PRKN: variants seen among roughly 807,000 people sequenced by gnomAD.
PRKN encodes parkin RBR E3 ubiquitin protein ligase.
Under a neutral mutation model 59.5 loss-of-function variants are expected in PRKN, and 56 were observed. The observed-to-expected ratio is 0.94, with a 90% CI of 0.76 to 1.18. The LOEUF (loss-of-function observed/expected upper bound fraction) is 1.18. Ranked by LOEUF, PRKN falls within the 50% of genes most tolerant of loss-of-function variation. PRKN has a pLI of 0.00. For synonymous variants in PRKN, 250 were observed against 222.1 expected (o/e 1.13, Z -1.12); for missense variants, 657 against 596.4 (o/e 1.10, Z -1.06).
At chr6:162,030,870 T>A (rs1783608995) in intron 5 of PRKN, among the ~76,000 whole-genome samples, 2 of 152,140 alleles carry the variant, frequency 1.3e-5, no homozygotes, top group African/African-American at 4.8e-5. Context: ...AAGAGTGCAG[T>A]CTATGAATAC....
intron 9 of PRKN, among the ~76,000 whole-genome samples, chr6:161,441,285 G>A (rs1490669927): frequency 6.6e-6 from 1 of 152,200 alleles, no homozygotes; most frequent in Non-Finnish European, 1.5e-5. Context: ...TTTGGGATGT[G>A]GTTGGAAGCT....
At chr6:162,589,341 A>G (rs923281509) in intron 1 of PRKN, among the ~76,000 whole-genome samples, 4 of 152,128 alleles carry the variant, frequency 2.6e-5, no homozygotes, top group Non-Finnish European at 5.9e-5. Context: ...CAAAAATGTT[A>G]CAAGAAATTT....
intron 7 of PRKN, among the ~76,000 whole-genome samples, chr6:161,615,545 C>A (rs1782661652): frequency 6.6e-6 from 1 of 152,184 alleles, no homozygotes; most frequent in Non-Finnish European, 1.5e-5. Flanking sequence ...ACTAAACTAC[C>A]AATGCATCCA....
chr6:161,388,866 C>T lies in PRKN; in HGVS notation c.1084-1989G>A, dbSNP rs1428454358. Among the ~76,000 whole-genome samples the T allele has an allele frequency of 6.6e-6, 1 of 152,206 alleles. No individual in the cohort carries two copies. ...CAGCACCAACTTGCCAGCTATGTGA[C>T]TGGGTCATATTCCAAGTAGACTGTT... is the stretch of plus-strand genomic sequence containing the variant. On this transcript the variant is annotated intron_variant, in intron 9 of 11. Coordinates refer to ENST00000366898, the MANE Select transcript of PRKN (RefSeq NM_004562.3). The surrounding 1 kb of genome is among the most constrained non-coding windows in gnomAD (Gnocchi z 4.3).
At chr6:161,924,970 A>T (rs1778913077) in intron 6 of PRKN, among the ~76,000 whole-genome samples, 2 of 152,222 alleles carry the variant, frequency 1.3e-5, no homozygotes, top group South Asian at 4.1e-4. Flanking sequence ...ACATGCCCAG[A>T]ATTCACCTGG....
intron 7 of PRKN, among the ~76,000 whole-genome samples, chr6:161,759,006 G>A (rs910803601): frequency 5.3e-5 from 8 of 151,954 alleles, no homozygotes; most frequent in South Asian, 2.1e-4. Flanking sequence ...GTGAAACCCC[G>A]TCTCTACTAA....
chr6:162,346,297 T>C (rs1784400965), intron 2 of PRKN, among the ~76,000 whole-genome samples: 1 of 152,100 alleles, frequency 6.6e-6, no homozygotes, highest in South Asian at 2.1e-4. Context: ...TCCACAGTTT[T>C]TAAATAGATC....
chr6:161,707,068 G>A (rs1036330071), intron 7 of PRKN, among the ~76,000 whole-genome samples: 2 of 151,938 alleles, frequency 1.3e-5, no homozygotes, highest in East Asian at 3.9e-4. Flanking sequence ...TCTCATTGTC[G>A]GTTTTATACA....
intron 1 of PRKN, among the ~76,000 whole-genome samples, chr6:162,478,573 C>T (rs572574850): frequency 6.6e-6 from 1 of 152,292 alleles, no homozygotes; most frequent in South Asian, 2.1e-4. Flanking sequence ...CCTGAGTAAC[C>T]AACCGTGAAA....
chr6:162,158,681 T>A (rs1234890732), intron 4 of PRKN, among the ~76,000 whole-genome samples: 1 of 152,034 alleles, frequency 6.6e-6, no homozygotes, highest in Admixed American at 6.5e-5. Context: ...TCCGCCCGCC[T>A]TGGCCTTCCA....
chr6:162,687,763 T>A (rs550728372), intron 1 of PRKN, among the ~76,000 whole-genome samples: 3 of 152,302 alleles, frequency 2.0e-5, no homozygotes, highest in South Asian at 4.1e-4. Context: ...CTAGCAGGAA[T>A]CTCTAATTAT....
At chr6:161,611,866 T>C (rs1166443965) in intron 7 of PRKN, among the ~76,000 whole-genome samples, 1 of 152,246 alleles carries the variant, frequency 6.6e-6, no homozygotes, top group Non-Finnish European at 1.5e-5. Context: ...GAACTGGGAA[T>C]GCAAACCAGG....
intron 9 of PRKN, among the ~76,000 whole-genome samples, chr6:161,443,598 ATGGT>A (rs962260599): frequency 7.2e-5 from 11 of 152,202 alleles, no homozygotes; most frequent in African/African-American, 2.7e-4. Context: ...TAAATTATTA[ATGGT>A]AAATAGATAA....
In PRKN at chr6:162,432,282, C is replaced by T. The variant is rs538368183; in HGVS notation, c.171+11028G>A. On this transcript the variant is annotated intron_variant, in intron 2 of 11. Transcript: ENST00000366898. Reference sequence around the variant, plus strand: ...GTGGCTCATGCCTGTAATCTCAGCACTTTGGGAGGCCGAGGCAGACGGATC... The same window carrying T: ...GTGGCTCATGCCTGTAATCTCAGCATTTTGGGAGGCCGAGGCAGACGGATC... Among the ~76,000 whole-genome samples the T allele has an allele frequency of 3.2e-4, 48 of 152,222 alleles. 1 individual carries two copies. The South Asian group carries it at 9.5e-3, about 30-fold the overall frequency.
At chr6:162,254,635 C>T (rs1208719873) in intron 3 of PRKN, among the ~76,000 whole-genome samples, 1 of 152,072 alleles carries the variant, frequency 6.6e-6, no homozygotes, top group Non-Finnish European at 1.5e-5. Context: ...ACAATGAACA[C>T]CCACTTGCTG....
At chr6:161,866,500 G>A (rs62438261) in intron 6 of PRKN, among the ~76,000 whole-genome samples, 20 of 151,824 alleles carry the variant, frequency 1.3e-4, no homozygotes, top group African/African-American at 3.9e-4. Context: ...ACATGAACCC[G>A]GGAGGCGGAG....
intron 2 of PRKN, among the ~76,000 whole-genome samples, chr6:162,270,562 T>C (rs954460316): frequency 1.3e-5 from 2 of 152,216 alleles, no homozygotes; most frequent in African/African-American, 2.4e-5. Flanking sequence ...GTAATAACTT[T>C]ACATTTTAAA....
intron 2 of PRKN, among the ~76,000 whole-genome samples, chr6:162,334,036 C>T (rs1185987271): frequency 1.3e-5 from 2 of 152,150 alleles, no homozygotes; most frequent in African/African-American, 2.4e-5. Flanking sequence ...AGCAAGGCCC[C>T]AACTCCCTTC....
chr6:162,317,696 A>T (rs928235775), intron 2 of PRKN, among the ~76,000 whole-genome samples: 1 of 151,970 alleles, frequency 6.6e-6, no homozygotes, highest in African/African-American at 2.4e-5. Context: ...TCCTATTTCA[A>T]CTTTGACATG....
Sources: allele counts gnomAD v4.1 joint callset (sites outside exome capture counted in the v4.1 genomes callset), GRCh38; gene constraint gnomAD v4.1.1; non-coding constraint Gnocchi (gnomAD v3.1); transcripts MANE v1.5; gene names NCBI Gene and HGNC (gene_info 2026-07-23, HGNC 2026-07-21).